Variants in LRRC8C observed in about 807,000 individuals in gnomAD.
LRRC8C encodes volume-regulated anion channel subunit LRRC8C.
A neutral mutation model predicts 55.3 loss-of-function variants in LRRC8C; 20 were observed. The observed-to-expected ratio is 0.36, with a 90% CI of 0.25 to 0.53. LRRC8C has a LOEUF of 0.53. LRRC8C is among the 20% of genes least tolerant of loss of function. LRRC8C has a pLI of 0.92. For synonymous variants in LRRC8C, 376 were observed against 360.7 expected (o/e 1.04, Z -0.48); for missense variants, 659 against 951.4 (o/e 0.69, Z 4.04).
At chr1:89,662,938 C>T (rs527647420) in intron 1 of LRRC8C, among the ~76,000 whole-genome samples, 1 of 152,230 alleles carries the variant, frequency 6.6e-6, no homozygotes, top group African/African-American at 2.4e-5. Flanking sequence ...CCGTCGTCTA[C>T]ATTGGGTATT....
chr1:89,649,721 G>A (rs919773804), intron 1 of LRRC8C, among the ~76,000 whole-genome samples: 10 of 152,096 alleles, frequency 6.6e-5, no homozygotes, highest in South Asian at 2.1e-4. Context: ...TTTGCCCAGG[G>A]TGGTGGAGGA....
At chr1:89,675,639 G>T (rs555802597) in intron 1 of LRRC8C, among the ~76,000 whole-genome samples, 9 of 152,324 alleles carry the variant, frequency 5.9e-5, no homozygotes, top group African/African-American at 1.9e-4. Flanking sequence ...TTAGCTTTTG[G>T]ATGTTGAGAC....
At chr1:89,641,410 G>A (rs964207972) in intron 1 of LRRC8C, among the ~76,000 whole-genome samples, 1 of 152,154 alleles carries the variant, frequency 6.6e-6, no homozygotes, top group Non-Finnish European at 1.5e-5. Context: ...TAACTGGATG[G>A]CTAGGTAGCT....
chr1:89,674,342 C>A (rs1400864629), intron 1 of LRRC8C, among the ~76,000 whole-genome samples: 1 of 152,088 alleles, frequency 6.6e-6, no homozygotes, highest in Non-Finnish European at 1.5e-5. Context: ...GAATGTGTGA[C>A]TCTATGAGCA....
At chr1:89,624,454 G>A in the LRRC8C span, among the ~76,000 whole-genome samples, 2 of 152,210 alleles carry the variant, frequency 1.3e-5, no homozygotes, top group Non-Finnish European at 1.5e-5. Flanking sequence ...CTGAAAGGAT[G>A]TCATGGAACC....
intron 2 of LRRC8C, among the ~76,000 whole-genome samples, chr1:89,688,995 T>G (rs1657955013): frequency 6.6e-6 from 1 of 152,214 alleles, no homozygotes; most frequent in Non-Finnish European, 1.5e-5. Context: ...AGTAGATCAC[T>G]TTCCTTGCAC....
intron 1 of LRRC8C, among the ~76,000 whole-genome samples, chr1:89,673,971 G>C (rs12091316): frequency 6.6e-6 from 1 of 152,126 alleles, no homozygotes; most frequent in Non-Finnish European, 1.5e-5. Flanking sequence ...AGGTGGGTGG[G>C]TATTGAAAGA....
intron 2 of LRRC8C, among the ~76,000 whole-genome samples, 180 bp downstream of exon 2, chr1:89,686,791 G>A (rs1044654144): frequency 2.6e-5 from 4 of 152,112 alleles, no homozygotes; most frequent in South Asian, 2.1e-4. Context: ...TTCCTAATAC[G>A]GTAAATATGG....
chr1:89,616,552 T>A, the LRRC8C span, among the ~76,000 whole-genome samples: 1 of 152,198 alleles, frequency 6.6e-6, no homozygotes, highest in Admixed American at 6.5e-5. Flanking sequence ...ACAGTGAAAA[T>A]CTCTGATTTG....
At chr1:89,667,592 A>T (rs904298568) in intron 1 of LRRC8C, among the ~76,000 whole-genome samples, 2 of 152,182 alleles carry the variant, frequency 1.3e-5, no homozygotes, top group African/African-American at 4.8e-5. Context: ...CAGAGCAGTA[A>T]TAGAGCTACT....
At chr1:89,658,347 G>T (rs1186605298) in intron 1 of LRRC8C, among the ~76,000 whole-genome samples, 3 of 152,138 alleles carry the variant, frequency 2.0e-5, no homozygotes, top group African/African-American at 4.8e-5. Context: ...GGGTGTGTTT[G>T]CTTGGAAACC....
chr1:89,719,294 T>C lies in LRRC8C; in HGVS notation c.*4312T>C, dbSNP rs1658907992. ...TCCACCCCCCACCTTATTCTTCCTC[T>C]TTAATGAATATTTTTATTGGAGCTC... On this transcript the variant is annotated 3_prime_UTR_variant, in exon 3 of 3. Coordinates refer to ENST00000370454, the MANE Select transcript of LRRC8C (RefSeq NM_032270.5). 6.6e-6 allele frequency: 1 copy of C among 152,206 alleles called. No individual in the cohort carries two copies. Among genetic ancestry groups the C allele is most frequent in the South Asian group, 2.1e-4 (1 of 4,834 alleles). 9.4% of individuals were successfully genotyped at this position (152,206 alleles called of 1,614,324 possible).
chr1:89,619,876 C>T, the LRRC8C span, among the ~76,000 whole-genome samples: 5 of 152,196 alleles, frequency 3.3e-5, no homozygotes, highest in South Asian at 1.0e-3. Context: ...TATAATTACC[C>T]CCATTTATTT....
intron 1 of LRRC8C, chr1:89,676,437 T>C (rs564369174): frequency 6.6e-6 from 1 of 152,238 alleles, no homozygotes; most frequent in Non-Finnish European, 1.5e-5. Flanking sequence ...GTAGTGGATG[T>C]TCTTTGAATA....
chr1:89,708,194 C>A (rs562270714), intron 2 of LRRC8C, among the ~76,000 whole-genome samples: 28 of 151,996 alleles, frequency 1.8e-4, no homozygotes, highest in African/African-American at 6.8e-4. Context: ...TGAGAGTTGT[C>A]CTTGAAAGAA....
intron 2 of LRRC8C, among the ~76,000 whole-genome samples, chr1:89,697,655 T>A (rs1480628998): frequency 6.6e-6 from 1 of 152,242 alleles, no homozygotes; most frequent in African/African-American, 2.4e-5. Flanking sequence ...TTGAAATGGA[T>A]GCTTTCCACA....
rs1199808145 is a variant in LRRC8C at position 89,703,965 on chromosome 1, TAA to T, written c.139-8743_139-8742del. Among the ~76,000 whole-genome samples the T allele has an allele frequency of 1.5e-4, 23 of 152,116 alleles. 1 individual carries two copies. In the East Asian group the frequency reaches 2.3e-3, roughly 15 times the overall value. On this transcript the variant is annotated intron_variant, in intron 2 of 2. Coordinates refer to ENST00000370454, the MANE Select transcript of LRRC8C (RefSeq NM_032270.5). ...AAAAGGCAGAAACCTAAAAAAATTA[TAA>T]GAGTAAAAATAGAGATTAAAAGATA...
chr1:89,703,634 A>G (rs975934522), intron 2 of LRRC8C, among the ~76,000 whole-genome samples: 5 of 152,018 alleles, frequency 3.3e-5, no homozygotes, highest in African/African-American at 1.2e-4. Context: ...GTTACAACAT[A>G]TTCTTGGAAG....
intron 1 of LRRC8C, among the ~76,000 whole-genome samples, chr1:89,633,605 C>T (rs937610297): frequency 1.3e-5 from 2 of 152,112 alleles, no homozygotes; most frequent in Non-Finnish European, 2.9e-5. Flanking sequence ...CGCGCCGCAG[C>T]GGCAGGTCCT....
Sources: allele counts gnomAD v4.1 joint callset (sites outside exome capture counted in the v4.1 genomes callset), GRCh38; gene constraint gnomAD v4.1.1; transcripts MANE v1.5; gene names NCBI Gene and HGNC (gene_info 2026-07-23, HGNC 2026-07-21).